LGR6: variants seen among roughly 807,000 people sequenced by gnomAD.
LGR6 encodes the protein leucine rich repeat containing G protein-coupled receptor 6, also known as leucine-rich repeat-containing G protein-coupled receptor 6.
In LGR6, 45 loss-of-function variants were observed where a neutral mutation model predicts 69.4. The observed-to-expected ratio is 0.65, with a 90% CI of 0.51 to 0.83. The LOEUF is 0.83. LGR6 is among the 40% of genes least tolerant of loss of function. LGR6 has a pLI of 0.00. For synonymous variants in LGR6, 538 were observed against 555.0 expected (o/e 0.97, Z 0.43); for missense variants, 1,108 against 1,246.7 (o/e 0.89, Z 1.68).
intron 14 of LGR6, among the ~76,000 whole-genome samples, chr1:202,308,478 C>T (rs1394381620): frequency 6.6e-6 from 1 of 152,154 alleles, no homozygotes; most frequent in Non-Finnish European, 1.5e-5. Flanking sequence ...CCTGGGCTTC[C>T]TCTAATGCGC....
rs77304471 is a variant in LGR6 at position 202,315,750 on chromosome 1, C to T, written c.1648+868C>T. Among the ~76,000 whole-genome samples the T allele has an allele frequency of 5.2e-4, 79 of 152,352 alleles. 1 individual carries two copies. In the East Asian group the frequency reaches 9.6e-3, roughly 19 times the overall value. The stretch of plus-strand genomic sequence containing the variant: ...AGAGTGATTGCCTGGCCTTGCCCAG[C>T]CCGAGTTTTCAGTGCTTGGTGACAA... On this transcript the variant is annotated intron_variant, in intron 17 of 17. Transcript: ENST00000367278.
chr1:202,280,814 G>C lies in LGR6; in HGVS notation c.678G>C (p.Gly226=), dbSNP rs1665942729. The change falls in exon 6 of 18, where the codon GGG becomes GGC. Residue 226 remains glycine (G), a synonymous_variant. Transcript: ENST00000367278. The part of the protein sequence containing the change: ...HLHNNRIQHL[G]THSFEGLHNL... ...ATAACAACCGCATCCAGCATCTGGG[G>C]ACCCACAGCTTCGAGGGGCTGCACA... The C allele has an allele frequency of 3.7e-6, 6 of 1,614,086 alleles. No homozygotes were observed. The highest frequency in any genetic ancestry group is 4.2e-6 in the Non-Finnish European group (5 of 1,180,046).
intron 1 of LGR6, among the ~76,000 whole-genome samples, chr1:202,224,526 T>C (rs2993434): frequency 0.4 from 60,243 of 151,996 alleles, 12,851 homozygotes; most frequent in East Asian, 0.72. Context: ...ACCAGTTTCA[T>C]GGAAGATAAT....
At chr1:202,250,345 G>T (rs1466381174) in intron 4 of LGR6, among the ~76,000 whole-genome samples, 1 of 151,202 alleles carries the variant, frequency 6.6e-6, no homozygotes, top group Admixed American at 6.6e-5. Context: ...AGTTCTACAA[G>T]GTTGGAGACT....
chr1:202,235,798 C>A, intron 3 of LGR6, 124 bp from the exon 4 acceptor site: 2 of 753,164 alleles, frequency 2.7e-6, no homozygotes, highest in Non-Finnish European at 4.6e-6. Context: ...CTCTCTGGGG[C>A]TCTGAGGCTG....
chr1:202,299,520 C>T (rs1046554333), intron 7 of LGR6, among the ~76,000 whole-genome samples: 18 of 152,310 alleles, frequency 1.2e-4, no homozygotes, highest in Middle Eastern at 3.4e-3. Flanking sequence ...CTCCATCTCT[C>T]TCTCTCTCAT....
chr1:202,306,987 C>T (rs755267363), intron 13 of LGR6, 48 bp downstream of exon 13: 1 of 1,482,556 alleles, frequency 6.7e-7, no homozygotes, highest in Non-Finnish European at 9.4e-7. Flanking sequence ...CACCGTGTCC[C>T]TCTGCTAGGC....
chr1:202,195,105 G>A (rs1658588698), intron 1 of LGR6, among the ~76,000 whole-genome samples: 1 of 152,158 alleles, frequency 6.6e-6, no homozygotes, highest in South Asian at 2.1e-4. Flanking sequence ...CTGGGGCAAG[G>A]AAACCTCCTC....
At chr1:202,235,723 AAC>A (rs1661487151) in intron 3 of LGR6, among the ~76,000 whole-genome samples, 197 bp from the exon 4 acceptor site, 1 of 152,002 alleles carries the variant, frequency 6.6e-6, no homozygotes, top group Non-Finnish European at 1.5e-5. Flanking sequence ...CCCCATGTAC[AAC>A]ACCCCAGGGA....
chr1:202,288,492 C>G (rs542389239), intron 6 of LGR6, among the ~76,000 whole-genome samples: 60 of 152,312 alleles, frequency 3.9e-4, no homozygotes, highest in African/African-American at 1.4e-3. Flanking sequence ...TTTATGGCTC[C>G]TGGCAAATCT....
At position 202,268,388 on chromosome 1, in the gene LGR6, C is replaced by T. The variant is rs1382857464; in HGVS notation, c.429-7918C>T. 6.6e-6 allele frequency among the ~76,000 whole-genome samples: 1 copy of T among 152,214 alleles called. No homozygotes were observed. The highest frequency in any genetic ancestry group is 2.4e-5 in the African/African-American group (1 of 41,456). On this transcript the variant is annotated intron_variant, in intron 4 of 17. Coordinates refer to ENST00000367278, the MANE Select transcript of LGR6 (RefSeq NM_001017403.2). The surrounding 1 kb of genome is among the most constrained non-coding windows in gnomAD (Gnocchi z 4.4). ...AGGCTCTCGGTCAGGGCCGTTGGTC[C>T]CTCCAGGCAATCAACGGCTCCCACG...
intron 4 of LGR6, among the ~76,000 whole-genome samples, chr1:202,269,753 C>T (rs530310578): frequency 6.6e-6 from 1 of 152,192 alleles, no homozygotes; most frequent in Non-Finnish European, 1.5e-5. Flanking sequence ...GGACCCAAGT[C>T]GTGGCTGACC....
chr1:202,317,912 C>A, intron 17 of LGR6, 40 bp from the exon 18 acceptor site: 1 of 1,539,846 alleles, frequency 6.5e-7, no homozygotes. Context: ...CTGGTCCCAC[C>A]ATCCTCTGGC....
chr1:202,274,418 A>G (rs568491329), intron 4 of LGR6, among the ~76,000 whole-genome samples: 1 of 152,296 alleles, frequency 6.6e-6, no homozygotes, highest in South Asian at 2.1e-4. Flanking sequence ...AAATCTAAGA[A>G]CGAGGGCTCC....
chr1:202,216,575 C>G (rs538562550), intron 1 of LGR6, among the ~76,000 whole-genome samples: 1 of 152,168 alleles, frequency 6.6e-6, no homozygotes, highest in East Asian at 1.9e-4. Context: ...TAGTCACAAG[C>G]GGCTAGTGGC....
At chr1:202,283,663 C>G (rs1399560656) in intron 6 of LGR6, among the ~76,000 whole-genome samples, 1 of 152,160 alleles carries the variant, frequency 6.6e-6, no homozygotes, top group South Asian at 2.1e-4. Context: ...GGGCCAGGTG[C>G]GGGCATGCAC....
intron 6 of LGR6, among the ~76,000 whole-genome samples, chr1:202,287,120 A>G (rs1308988985): frequency 2.6e-5 from 4 of 152,330 alleles, no homozygotes; most frequent in South Asian, 2.1e-4. Context: ...TGGCCCTCCC[A>G]TATCTGTAGG....
intron 5 of LGR6, among the ~76,000 whole-genome samples, chr1:202,278,199 A>G (rs536444991): frequency 1.4e-4 from 21 of 152,328 alleles, no homozygotes; most frequent in South Asian, 1.2e-3. Flanking sequence ...AGGTCAGTTC[A>G]GAGGTTCTTG....
At chr1:202,289,964 TA>T (rs1479782315) in intron 6 of LGR6, among the ~76,000 whole-genome samples, 1 of 152,222 alleles carries the variant, frequency 6.6e-6, no homozygotes, top group African/African-American at 2.4e-5. Context: ...GCCTTGAGAA[TA>T]AAAATGTAAG....
Sources: gnomAD v4.1 joint callset for allele counts (sites outside exome capture counted in the v4.1 genomes callset) on GRCh38, gnomAD v4.1.1 for gene constraint, Gnocchi (gnomAD v3.1) non-coding constraint, MANE v1.5 for transcripts, NCBI Gene and HGNC (gene_info 2026-07-23, HGNC 2026-07-21) for gene names.